Variants in FSTL5 observed in about 807,000 individuals in gnomAD.
FSTL5 encodes the protein follistatin like 5, also known as follistatin-related protein 5.
Under a neutral mutation model 89.1 loss-of-function variants are expected in FSTL5, and 62 were observed. That is an observed-to-expected ratio of 0.70 (90% confidence interval 0.57 to 0.86). The LOEUF (loss-of-function observed/expected upper bound fraction) is 0.86, where lower values mean the gene tolerates loss of function less well. Among genes scored for constraint, FSTL5 ranks in the 40% least tolerant of loss-of-function variants. The probability of loss-of-function intolerance (pLI) is 0.00; values close to 1 mark genes in which losing one functional copy is unlikely to be tolerated. For missense variants in FSTL5, 1,057 were observed against 1,001.6 expected, an observed-to-expected ratio of 1.06 and a Z score of -0.75; for synonymous variants, 383 against 346.2, an observed-to-expected ratio of 1.11 and a Z score of -1.18.
At chr4:161,705,950 GTGTATATATATATA>G (rs1181663772) in intron 6 of FSTL5, among the ~76,000 whole-genome samples, 1 of 18,606 alleles carries the variant, frequency 5.4e-5, no homozygotes, top group African/African-American at 1.2e-4. Context: ...GTGTAGATGT[GTGTATATATATATA>G]TATATATATA....
intron 11 of FSTL5, among the ~76,000 whole-genome samples, chr4:161,505,787 ATC>A (rs779955559): frequency 6.6e-6 from 1 of 152,158 alleles, no homozygotes; most frequent in Non-Finnish European, 1.5e-5. Context: ...ACAAATGGAT[ATC>A]TCTTGCAAGA....
At chr4:162,032,711 G>C (rs956854538) in intron 3 of FSTL5, 1 of 152,144 alleles carries the variant, frequency 6.6e-6, no homozygotes, top group Admixed American at 6.6e-5. Context: ...AATCTAGAGA[G>C]CCTCTGAAGT....
intron 5 of FSTL5, among the ~76,000 whole-genome samples, chr4:161,770,669 CTT>C (rs1360538853): frequency 2.6e-5 from 4 of 151,486 alleles, no homozygotes; most frequent in African/African-American, 9.7e-5. Flanking sequence ...ATTTTTAAAA[CTT>C]AATTTTATGG....
At chr4:161,679,751 T>A (rs972219132) in intron 6 of FSTL5, among the ~76,000 whole-genome samples, 1 of 151,892 alleles carries the variant, frequency 6.6e-6, no homozygotes, top group Non-Finnish European at 1.5e-5. Context: ...ATGATCTCTT[T>A]CTTCATTCAG....
At chr4:161,650,860 CA>C (rs941991390) in intron 7 of FSTL5, among the ~76,000 whole-genome samples, 1 of 152,038 alleles carries the variant, frequency 6.6e-6, no homozygotes, top group African/African-American at 2.4e-5. Flanking sequence ...ATAATGTAGA[CA>C]ATAATGTCTA....
intron 2 of FSTL5, among the ~76,000 whole-genome samples, chr4:162,110,250 A>G (rs1731383902): frequency 6.6e-6 from 1 of 151,932 alleles, no homozygotes; most frequent in African/African-American, 2.4e-5. Flanking sequence ...TTGTGACTTA[A>G]TTTATTGCCT....
At chr4:161,481,285 A>G in intron 12 of FSTL5, 116 bp from the exon 13 acceptor site, 1 of 535,772 alleles carries the variant, frequency 1.9e-6, no homozygotes, top group Non-Finnish European at 3.1e-6. Context: ...CAAATGTTAA[A>G]TATATATATA....
At chr4:161,459,116 T>C (rs959225216) in intron 14 of FSTL5, 96 bp downstream of exon 14, 20 of 856,086 alleles carry the variant, frequency 2.3e-5, no homozygotes, top group Non-Finnish European at 3.6e-5. Context: ...AGTCCTCAGA[T>C]GGAAAAATAT....
chr4:161,627,210 T>A (rs1735343124), intron 7 of FSTL5, among the ~76,000 whole-genome samples: 2 of 152,148 alleles, frequency 1.3e-5, no homozygotes, highest in South Asian at 4.1e-4. Flanking sequence ...TTGTCTTATT[T>A]TACAAAATTG....
chr4:161,541,691 T>G (rs1731823379), intron 9 of FSTL5, among the ~76,000 whole-genome samples: 1 of 152,002 alleles, frequency 6.6e-6, no homozygotes, highest in South Asian at 2.1e-4. Flanking sequence ...TAGAACTCTA[T>G]GTAATAAAGT....
At chr4:161,567,166 T>A (rs941915300) in intron 8 of FSTL5, among the ~76,000 whole-genome samples, 2 of 152,030 alleles carry the variant, frequency 1.3e-5, no homozygotes, top group Non-Finnish European at 2.9e-5. Context: ...TGAACTACAA[T>A]TTAAACATAA....
At chr4:161,618,668 T>C (rs190809531) in intron 7 of FSTL5, among the ~76,000 whole-genome samples, 75 of 152,298 alleles carry the variant, frequency 4.9e-4, no homozygotes, top group Admixed American at 1.3e-3. Flanking sequence ...ATCCCAGGGA[T>C]GAAGCCCACT....
intron 6 of FSTL5, among the ~76,000 whole-genome samples, chr4:161,671,532 T>C (rs1579009760): frequency 1.3e-5 from 2 of 152,174 alleles, no homozygotes; most frequent in African/African-American, 4.8e-5. Flanking sequence ...CTTTGCTGCT[T>C]TTACGTTCCT....
chr4:162,072,154 T>C (rs1729651623), intron 2 of FSTL5, among the ~76,000 whole-genome samples: 1 of 151,824 alleles, frequency 6.6e-6, no homozygotes, highest in Non-Finnish European at 1.5e-5. Context: ...CTGTTATCCA[T>C]TGATGAATGT....
chr4:161,778,442 G>T (rs186377978), intron 4 of FSTL5, among the ~76,000 whole-genome samples: 6 of 152,222 alleles, frequency 3.9e-5, no homozygotes, highest in African/African-American at 1.4e-4. Context: ...AATGTCTAAA[G>T]ATATTTAAAT....
At chr4:161,423,784 A>G (rs187058928) in intron 15 of FSTL5, among the ~76,000 whole-genome samples, 5 of 152,030 alleles carry the variant, frequency 3.3e-5, no homozygotes, top group Non-Finnish European at 5.9e-5. Flanking sequence ...TCCAAAGCCA[A>G]CTTGAAAGTG....
intron 4 of FSTL5, among the ~76,000 whole-genome samples, chr4:161,836,973 T>G (rs1731064092): frequency 1.3e-5 from 2 of 152,144 alleles, no homozygotes; most frequent in African/African-American, 4.8e-5. Context: ...CTGGGTGTGT[T>G]GAGTTTGAGA....
At chr4:161,781,270 G>GAGAAACTA (rs1222634271) in intron 4 of FSTL5, among the ~76,000 whole-genome samples, 2 of 151,654 alleles carry the variant, frequency 1.3e-5, no homozygotes, top group African/African-American at 2.4e-5. Context: ...ATTATAAGTA[G>GAGAAACTA]TGAAACTATG....
intron 4 of FSTL5, among the ~76,000 whole-genome samples, chr4:161,896,887 A>G (rs1349582152): frequency 6.6e-6 from 1 of 152,140 alleles, no homozygotes; most frequent in Non-Finnish European, 1.5e-5. Flanking sequence ...TTCTTTCCTT[A>G]GGTGACTAAA....
Sources: allele counts gnomAD v4.1 joint callset (sites outside exome capture counted in the v4.1 genomes callset), GRCh38; gene constraint gnomAD v4.1.1; transcripts MANE v1.5; gene names NCBI Gene and HGNC (gene_info 2026-07-23, HGNC 2026-07-21).